Variants in ITPR1 observed in about 807,000 individuals in gnomAD.
The protein encoded by ITPR1 is inositol 1,4,5-trisphosphate-gated calcium channel ITPR1.
In ITPR1, 96 loss-of-function variants were observed where a neutral mutation model predicts 318.4. The ratio of observed to expected loss-of-function variants is 0.30; its 90% CI spans 0.26 to 0.36. The LOEUF is 0.36. Among genes scored for constraint, ITPR1 ranks in the 10% least tolerant of loss-of-function variants. The pLI, the probability that ITPR1 is intolerant of heterozygous loss-of-function variation, is 1.00. For missense variants in ITPR1, 2,440 were observed against 3,460.2 expected (o/e 0.71, Z 7.40); for synonymous variants, 1,312 against 1,289.9 (o/e 1.02, Z -0.37).
chr3:4,787,881 T>C (rs2047305798), intron 51 of ITPR1, 66 bp from the exon 52 acceptor site: 2 of 1,145,862 alleles, frequency 1.7e-6, no homozygotes, highest in Non-Finnish European at 2.5e-6. Context: ...CTACCACCAG[T>C]AGCAAATAGT....
chr3:4,714,101 TCAC>T, intron 39 of ITPR1, among the ~76,000 whole-genome samples: 4 of 152,188 alleles, frequency 2.6e-5, no homozygotes, highest in Non-Finnish European at 4.4e-5. Context: ...TTTGTCTGTC[TCAC>T]TAAGGCTTTT....
Position 4,790,533 on chromosome 3 carries a change from C to G in ITPR1, c.6808+2394C>G, listed in dbSNP as rs149545468. Among the ~76,000 whole-genome samples, 778 of 152,298 alleles carry G rather than the reference C, an allele frequency of 5.1e-3. 5 individuals are homozygous for G. Among genetic ancestry groups the G allele is most frequent in the Middle Eastern group, 0.051 (15 of 294 alleles). On this transcript the variant is annotated intron_variant, in intron 52 of 61. Coordinates refer to ENST00000649015, the MANE Select transcript of ITPR1 (RefSeq NM_001378452.1). ...AAATTGAAAATAATAACTGAATTAA[C>G]CATGATTTGCACACTTGGGGAGGGA... is the stretch of plus-strand genomic sequence containing the variant.
At position 4,662,090 on chromosome 3, in the gene ITPR1, C is replaced by G. The variant is rs760762106; in HGVS notation, c.1260C>G (p.Thr420=). The change falls in exon 15 of 62, where the codon ACC becomes ACG. Residue 420 remains threonine (T), a synonymous_variant. Transcript: ENST00000649015. ...ACCACCTTGAATTTCAGATTGGCAC[C>G]TCTCCTGTGAAGGAGGATAAGGAAG... ...EEKPVMLKIG[T]SPVKEDKEAF... 8.1e-6 allele frequency: 13 copies of G among 1,612,638 alleles called. No homozygotes were observed. Among genetic ancestry groups the G allele is most frequent in the African/African-American group, 1.3e-5 (1 of 74,892 alleles).
intron 4 of ITPR1, among the ~76,000 whole-genome samples, chr3:4,607,684 G>T (rs1022290264): frequency 6.6e-6 from 1 of 152,068 alleles, no homozygotes; most frequent in Non-Finnish European, 1.5e-5. Flanking sequence ...GCTGATTTGT[G>T]GGGGTGCAGT....
Position 4,766,511 on chromosome 3 carries a change from T to C in ITPR1, c.5545-19T>C. On this transcript the variant is annotated intron_variant, in intron 44 of 61. Coordinates refer to ENST00000649015, the MANE Select transcript of ITPR1 (RefSeq NM_001378452.1). ...CTGGTCAGTTACAGTGTTCACAATC[T>C]ATGGATTTTCCTTTGCAGCACTCCT... 6.2e-7 allele frequency: 1 copy of C among 1,611,668 alleles called. No homozygotes were observed. The highest frequency in any genetic ancestry group is 2.2e-5 in the East Asian group (1 of 44,866).
chr3:4,666,538 C>A (rs1230179997), intron 17 of ITPR1, among the ~76,000 whole-genome samples: 1 of 152,178 alleles, frequency 6.6e-6, no homozygotes, highest in African/African-American at 2.4e-5. Context: ...TTTTCGGATC[C>A]TTTACCAGTT....
At chr3:4,563,374 T>C (rs914456373) in intron 4 of ITPR1, among the ~76,000 whole-genome samples, 1 of 151,994 alleles carries the variant, frequency 6.6e-6, no homozygotes, top group Non-Finnish European at 1.5e-5. Flanking sequence ...CTGGGCATGG[T>C]GATGCACACC....
chr3:4,662,223 A>G lies in ITPR1; in HGVS notation c.1393A>G (p.Ile465Val). The stretch of plus-strand genomic sequence containing the variant: ...TGCTGGGAAGCTAGAGAAGGGCACC[A>G]TCACCCAGAATGAAAGGAGGTGAGC... The part of the protein sequence containing the change: ...SIAGKLEKGT[I>V]TQNERRSVTK... The change falls in exon 15 of 62, where the codon ATC becomes GTC. Residue 465 changes from isoleucine to valine, a missense_variant. Transcript: ENST00000649015. 1 of 1,610,162 alleles carries G rather than the reference A, an allele frequency of 6.2e-7. No individual in the cohort carries two copies. The highest frequency in any genetic ancestry group is 8.5e-7 in the Non-Finnish European group (1 of 1,177,652).
chr3:4,609,771 G>A (rs1158037200), intron 4 of ITPR1, among the ~76,000 whole-genome samples: 2 of 152,142 alleles, frequency 1.3e-5, no homozygotes. Flanking sequence ...CTCAGGGCTG[G>A]GTCACCACGT....
chr3:4,813,140 A>G lies in ITPR1; in HGVS notation c.7469-2A>G. ...ATCATAAAATTTCCTTCTCTCTCCC[A>G]GAAACCGGCGAGAGTTTGGCAAGCG... On this transcript the variant is annotated splice_acceptor_variant, in intron 56 of 61. Transcript: ENST00000649015. LOFTEE classifies it high-confidence loss of function. The G allele has an allele frequency of 6.2e-7, 1 of 1,613,618 alleles. No homozygotes were observed. Among genetic ancestry groups the G allele is most frequent in the Admixed American group, 1.7e-5 (1 of 60,024 alleles).
intron 2 of ITPR1, among the ~76,000 whole-genome samples, chr3:4,506,260 A>G (rs2081384732): frequency 6.6e-6 from 1 of 152,092 alleles, no homozygotes; most frequent in Admixed American, 6.5e-5. Flanking sequence ...TTTAGCCTGT[A>G]CTTTCTTCCT....
chr3:4,510,971 G>A lies in ITPR1; in HGVS notation c.-16-5505G>A, dbSNP rs929091772. On this transcript the variant is annotated intron_variant, in intron 2 of 61. Coordinates refer to ENST00000649015, the MANE Select transcript of ITPR1 (RefSeq NM_001378452.1). ...GAGGGAGGACTGGAGGAGCCACCAG[G>A]CTTTGCTGGTGGTCACTGAGAAATG... Among the ~76,000 whole-genome samples the A allele has an allele frequency of 4.6e-5, 7 of 152,168 alleles. No homozygotes were observed. The South Asian group carries it at 1.4e-3, about 32-fold the overall frequency.
intron 34 of ITPR1, among the ~76,000 whole-genome samples, chr3:4,698,047 C>T (rs998743824): frequency 6.6e-6 from 1 of 152,154 alleles, no homozygotes; most frequent in Non-Finnish European, 1.5e-5. Flanking sequence ...CCTTAAGATA[C>T]TTCATTTGGT....
At chr3:4,549,019 C>G (rs2085299606) in intron 4 of ITPR1, among the ~76,000 whole-genome samples, 1 of 152,098 alleles carries the variant, frequency 6.6e-6, no homozygotes, top group African/African-American at 2.4e-5. Flanking sequence ...TCTTCTTGGT[C>G]ACAGAGTGCA....
At position 4,683,503 on chromosome 3, in the gene ITPR1, C is replaced by A; in HGVS notation, c.3279C>A (p.Leu1093=). The A allele has an allele frequency of 1.2e-6, 2 of 1,614,070 alleles. No homozygotes were observed. Among genetic ancestry groups the A allele is most frequent in the Non-Finnish European group, 1.7e-6 (2 of 1,179,892 alleles). The change falls in exon 27 of 62, where the codon CTC becomes CTA. Residue 1093 remains leucine (L), a synonymous_variant. Coordinates refer to ENST00000649015, the MANE Select transcript of ITPR1 (RefSeq NM_001378452.1). ...TGGTGTCAGGGGCCCTGCAGCTCCT[C>A]TTCCGGCACTTCAGCCAGAGGCAGG... The part of the protein sequence containing the change: ...PPLVSGALQL[L]FRHFSQRQEV...
chr3:4,621,207 AC>A (rs2092617477), intron 4 of ITPR1, among the ~76,000 whole-genome samples: 1 of 152,184 alleles, frequency 6.6e-6, no homozygotes. Flanking sequence ...TTACAATTTC[AC>A]AAGCTTTACA....
chr3:4,705,769 T>C (rs1322268544), intron 36 of ITPR1, among the ~76,000 whole-genome samples: 1 of 152,188 alleles, frequency 6.6e-6, no homozygotes, highest in African/African-American at 2.4e-5. Context: ...TTTTTGTAGA[T>C]TGTTGAACAA....
chr3:4,515,523 A>G (rs2082119038), intron 2 of ITPR1, among the ~76,000 whole-genome samples: 1 of 152,226 alleles, frequency 6.6e-6, no homozygotes. Flanking sequence ...AGTCCACACC[A>G]GCACACAGTC....
At chr3:4,494,345 G>A (rs1284014350) in intron 1 of ITPR1, 86 bp from the exon 2 acceptor site, 2 of 152,272 alleles carry the variant, frequency 1.3e-5, no homozygotes, top group East Asian at 3.8e-4. Flanking sequence ...GGCTAAAGAA[G>A]GTGGAAACTT....
Sources: allele counts gnomAD v4.1 joint callset (sites outside exome capture counted in the v4.1 genomes callset), GRCh38; gene constraint gnomAD v4.1.1; transcripts MANE v1.5; gene names NCBI Gene and HGNC (gene_info 2026-07-23, HGNC 2026-07-21).